The following KLF8 variants were observed in gnomAD, a reference collection of about 807,000 sequenced individuals.
KLF8 encodes the protein Krueppel-like factor 8.
In KLF8, 10 loss-of-function variants were observed where a neutral mutation model predicts 18.2. The ratio of observed to expected loss-of-function variants is 0.55; its 90% CI spans 0.34 to 0.93. The LOEUF (loss-of-function observed/expected upper bound fraction) is 0.93. Ranked by LOEUF, KLF8 falls within the 40% of genes least tolerant of loss-of-function variation. The pLI is 0.02. For missense variants in KLF8, 264 were observed against 277.9 expected, an observed-to-expected ratio of 0.95 and a Z score of 0.36; for synonymous variants, 109 against 97.3, an observed-to-expected ratio of 1.12 and a Z score of -0.71.
intron 2 of KLF8, among the ~76,000 whole-genome samples, chrX:56,261,969 A>G (rs1380562357): frequency 8.9e-6 from 1 of 111,825 alleles, no homozygotes; most frequent in Non-Finnish European, 1.9e-5. Context: ...ACACCCAGAA[A>G]ATACTTGCTA....
intron 2 of KLF8, among the ~76,000 whole-genome samples, chrX:56,256,653 T>C (rs2066799935): frequency 8.9e-6 from 1 of 112,218 alleles, no homozygotes. Flanking sequence ...ATTTTCTTCT[T>C]AATTTCTTCA....
the KLF8 span, among the ~76,000 whole-genome samples, chrX:56,024,081 G>A: frequency 1.8e-5 from 2 of 111,528 alleles, no homozygotes; most frequent in Admixed American, 9.5e-5. Context: ...CAAATTACAT[G>A]CCCACCAATT....
the KLF8 span, among the ~76,000 whole-genome samples, chrX:56,159,577 TCC>T: frequency 9.6e-6 from 1 of 103,811 alleles, no homozygotes. Context: ...CTGTTATTGG[TCC>T]ATTCAGAGAT....
the KLF8 span, among the ~76,000 whole-genome samples, chrX:56,083,207 T>G: frequency 1.8e-5 from 2 of 112,123 alleles, no homozygotes; most frequent in Non-Finnish European, 3.8e-5. Context: ...TTTATTTTTT[T>G]GTGATCAATG....
chrX:56,175,351 T>C, the KLF8 span, among the ~76,000 whole-genome samples: 1 of 112,310 alleles, frequency 8.9e-6, no homozygotes, highest in African/African-American at 3.2e-5. Flanking sequence ...CTTTTCGTTA[T>C]GTACCGAGTA....
the KLF8 span, among the ~76,000 whole-genome samples, chrX:56,160,686 GT>G: frequency 3.6e-5 from 4 of 111,271 alleles, no homozygotes; most frequent in Non-Finnish European, 7.5e-5. Context: ...TTTAAAATCT[GT>G]TTTATCAGAG....
chrX:55,958,032 A>G, the KLF8 span, among the ~76,000 whole-genome samples: 2 of 112,266 alleles, frequency 1.8e-5, no homozygotes, highest in South Asian at 3.7e-4. Context: ...AAAACATATT[A>G]TGTTTAGCCA....
At chrX:55,945,449 T>C in the KLF8 span, among the ~76,000 whole-genome samples, 1 of 111,227 alleles carries the variant, frequency 9.0e-6, no homozygotes, top group Non-Finnish European at 1.9e-5. Flanking sequence ...TCTCCCATTA[T>C]TGTTGTGTGG....
chrX:56,098,784 G>C, the KLF8 span, among the ~76,000 whole-genome samples: 3 of 111,292 alleles, frequency 2.7e-5, no homozygotes, highest in African/African-American at 9.8e-5. Context: ...TGGAAGAGAA[G>C]CATTAAAATT....
At chrX:56,162,176 C>T in the KLF8 span, among the ~76,000 whole-genome samples, 1 of 111,644 alleles carries the variant, frequency 9.0e-6, no homozygotes, top group Non-Finnish European at 1.9e-5. Flanking sequence ...GTCAGTGTGC[C>T]CCTACTGTGG....
chrX:56,190,676 G>A, the KLF8 span, among the ~76,000 whole-genome samples: 1 of 111,088 alleles, frequency 9.0e-6, no homozygotes, highest in Non-Finnish European at 1.9e-5. Flanking sequence ...GAATAATTTT[G>A]GAAACTATAC....
At chrX:56,180,538 C>T in the KLF8 span, among the ~76,000 whole-genome samples, 1 of 110,877 alleles carries the variant, frequency 9.0e-6, no homozygotes, top group South Asian at 3.8e-4. Context: ...TTCTCTAGTT[C>T]TTTTAATTGT....
At chrX:56,128,999 T>TA in the KLF8 span, among the ~76,000 whole-genome samples, 3 of 111,712 alleles carry the variant, frequency 2.7e-5, no homozygotes, top group African/African-American at 9.8e-5. Context: ...GTCATGTACT[T>TA]AAAAAATCTT....
chrX:55,945,030 G>A, the KLF8 span, among the ~76,000 whole-genome samples: 1 of 111,224 alleles, frequency 9.0e-6, no homozygotes, highest in East Asian at 2.8e-4. Flanking sequence ...GTTATGTTGT[G>A]TCTTTGTTCT....
intron 5 of KLF8, among the ~76,000 whole-genome samples, chrX:56,280,737 T>C (rs1026743949): frequency 8.9e-6 from 1 of 112,276 alleles, no homozygotes; most frequent in African/African-American, 3.2e-5. Context: ...TGTAAAATAC[T>C]TAAAATAGTA....
At chrX:56,078,542 G>C in the KLF8 span, among the ~76,000 whole-genome samples, 4 of 111,833 alleles carry the variant, frequency 3.6e-5, no homozygotes, top group East Asian at 2.8e-4. Flanking sequence ...GATTCGTTTT[G>C]CCAGTATTTT....
the KLF8 span, among the ~76,000 whole-genome samples, chrX:56,181,271 C>T: frequency 6.2e-4 from 68 of 110,291 alleles, no homozygotes; most frequent in African/African-American, 2.1e-3. Flanking sequence ...TTTTTTCAGA[C>T]ACTAGGATTG....
chrX:55,932,890 A>G, the KLF8 span, among the ~76,000 whole-genome samples: 6 of 111,446 alleles, frequency 5.4e-5, no homozygotes, highest in African/African-American at 1.6e-4. Context: ...TGTGCACTGT[A>G]TTTCAGGAAA....
chrX:55,974,148 T>TA, the KLF8 span, among the ~76,000 whole-genome samples: 1 of 110,835 alleles, frequency 9.0e-6, no homozygotes, highest in Non-Finnish European at 1.9e-5. Context: ...TACACATGGA[T>TA]AAAAAGAAGG....
Sources: gnomAD v4.1 joint callset for allele counts (sites outside exome capture counted in the v4.1 genomes callset) on GRCh38, gnomAD v4.1.1 for gene constraint, MANE v1.5 for transcripts, NCBI Gene and HGNC (gene_info 2026-07-23, HGNC 2026-07-21) for gene names.